Variants in PAXBP1 observed in about 807,000 individuals in gnomAD.
PAXBP1 encodes PAX3- and PAX7-binding protein 1.
A neutral mutation model predicts 119.9 loss-of-function variants in PAXBP1; 44 were observed. The ratio of observed to expected loss-of-function variants is 0.37; its 90% CI spans 0.29 to 0.47. PAXBP1 has a LOEUF of 0.47. Ranked by LOEUF, PAXBP1 falls within the 20% of genes least tolerant of loss-of-function variation. PAXBP1 has a pLI of 0.99. For missense variants in PAXBP1, 898 were observed against 1,134.1 expected, an observed-to-expected ratio of 0.79 and a Z score of 2.99; for synonymous variants, 393 against 406.6, an observed-to-expected ratio of 0.97 and a Z score of 0.40.
intron 15 of PAXBP1, 21 bp from the exon 16 acceptor site, chr21:32,738,340 A>T (rs1255787641): frequency 4.5e-6 from 7 of 1,564,576 alleles, no homozygotes; most frequent in Non-Finnish European, 6.0e-6. Context: ...GAAAAAAAAT[A>T]GGTAATGTGA....
chr21:32,744,353 C>T (rs1327573485), intron 13 of PAXBP1, among the ~76,000 whole-genome samples: 1 of 151,742 alleles, frequency 6.6e-6, no homozygotes, highest in Non-Finnish European at 1.5e-5. Flanking sequence ...TGTGTTGGGC[C>T]GCATTCAAAG....
chr21:32,741,668 CA>C, intron 15 of PAXBP1: 1 of 655,648 alleles, frequency 1.5e-6, no homozygotes, highest in Non-Finnish European at 2.8e-6. Flanking sequence ...CCAGTTTTTA[CA>C]CAGAAAGGCA....
intron 12 of PAXBP1, 54 bp downstream of exon 12, chr21:32,745,510 CATAAAAATAG>C: frequency 6.3e-7 from 1 of 1,581,674 alleles, no homozygotes; most frequent in East Asian, 2.2e-5. Context: ...ATTATAAACT[CATAAAAATAG>C]ATTTGAGAAA....
intron 16 of PAXBP1, 30 bp from the exon 17 acceptor site, chr21:32,737,438 A>C (rs778279679): frequency 6.4e-7 from 1 of 1,563,752 alleles, no homozygotes; most frequent in South Asian, 1.2e-5. Flanking sequence ...AAAATAAAAT[A>C]GTTAAGACAG....
At chr21:32,737,900 C>T (rs906609235) in intron 16 of PAXBP1, among the ~76,000 whole-genome samples, 1 of 152,040 alleles carries the variant, frequency 6.6e-6, no homozygotes, top group African/African-American at 2.4e-5. Context: ...GAAATCAAAA[C>T]TTTTATTTAT....
rs1266720989 is a variant in PAXBP1, at chr21:32,748,507, G to A, written c.1915C>T (p.Pro639Ser). 1.9e-6 allele frequency: 3 copies of A among 1,612,750 alleles called. No homozygotes were observed. The highest frequency in any genetic ancestry group is 1.1e-5 in the South Asian group (1 of 90,746). The stretch of plus-strand genomic sequence containing the variant: ...TGACAGAAGCCACTCACCTCAAGAG[G>A]AGTCCAAGTGAGGAGCTGAAGTCGT... The part of the protein sequence containing the change: ...LIRLQLLTWT[P>S]LEAKCRDFEN... The change falls in exon 11 of 18, where the codon CCT (proline) becomes TCT (serine). Residue 639 changes from proline to serine, a missense_variant. Around this residue, in one of 2 missense-constraint regions of PAXBP1, gnomAD observed 599 missense variants for 852.7 expected, o/e 0.70. Coordinates refer to ENST00000331923, the MANE Select transcript of PAXBP1 (RefSeq NM_016631.4).
chr21:32,744,995 A>G (rs2043851921), intron 12 of PAXBP1, 82 bp from the exon 13 acceptor site: 11 of 1,386,894 alleles, frequency 7.9e-6, no homozygotes, highest in Middle Eastern at 1.8e-4. Flanking sequence ...ATTAATGCCA[A>G]TCCTAATTTA....
chr21:32,737,931 T>G (rs1031504792), intron 16 of PAXBP1, among the ~76,000 whole-genome samples: 2 of 152,114 alleles, frequency 1.3e-5, no homozygotes, highest in African/African-American at 4.8e-5. Context: ...ATATCAAAAC[T>G]TTCACTAATA....
At chr21:32,745,536 T>C in intron 12 of PAXBP1, 38 bp downstream of exon 12, 2 of 1,606,754 alleles carry the variant, frequency 1.2e-6, no homozygotes, top group Non-Finnish European at 1.7e-6. Flanking sequence ...AGAAAGCCAG[T>C]GTGTCTGAAT....
At chr21:32,745,437 C>T (rs2043857891) in intron 12 of PAXBP1, 137 bp downstream of exon 12, 9 of 1,244,418 alleles carry the variant, frequency 7.2e-6, no homozygotes, top group Non-Finnish European at 1.0e-5. Context: ...GCCCTCTAGC[C>T]ATCTCTGGGC....
intron 6 of PAXBP1, 142 bp from the exon 7 acceptor site, chr21:32,759,411 C>CT: frequency 1.1e-6 from 1 of 897,906 alleles, no homozygotes. Context: ...CTCTGTACTG[C>CT]TTTTTTTCTC....
At chr21:32,754,802 T>G (rs1289583817) in intron 8 of PAXBP1, among the ~76,000 whole-genome samples, 1 of 152,172 alleles carries the variant, frequency 6.6e-6, no homozygotes, top group African/African-American at 2.4e-5. Flanking sequence ...TCCCTCCCCC[T>G]ACCCACAACA....
chr21:32,759,405 G>T, intron 6 of PAXBP1, 136 bp from the exon 7 acceptor site: 1 of 934,398 alleles, frequency 1.1e-6, no homozygotes, highest in Non-Finnish European at 1.5e-6. Flanking sequence ...CTTTTCCTCT[G>T]TACTGCTTTT....
chr21:32,753,425 C>CAA (rs757858309), intron 8 of PAXBP1, among the ~76,000 whole-genome samples: 1,665 of 89,818 alleles, frequency 0.019, 67 homozygotes, highest in African/African-American at 0.048. Context: ...GACTCCGTCT[C>CAA]AAAAAAAAAA....
intron 6 of PAXBP1, 70 bp downstream of exon 6, chr21:32,759,707 C>T: frequency 3.8e-6 from 5 of 1,311,402 alleles, no homozygotes; most frequent in Non-Finnish European, 5.4e-6. Flanking sequence ...CATCTGCTAC[C>T]CCAGACTACA....
At chr21:32,768,934 A>T (rs549189679) in intron 2 of PAXBP1, among the ~76,000 whole-genome samples, 16 of 152,324 alleles carry the variant, frequency 1.1e-4, no homozygotes, top group African/African-American at 3.6e-4. Context: ...TTTAACTATC[A>T]AAGATCCATC....
At chr21:32,739,155 C>G (rs960894802) in intron 15 of PAXBP1, among the ~76,000 whole-genome samples, 2 of 152,230 alleles carry the variant, frequency 1.3e-5, no homozygotes, top group Non-Finnish European at 1.5e-5. Flanking sequence ...GCTCTTTACT[C>G]AGTTCTCCCA....
At chr21:32,767,913 T>G (rs1222450747) in intron 2 of PAXBP1, among the ~76,000 whole-genome samples, 3 of 152,212 alleles carry the variant, frequency 2.0e-5, no homozygotes, top group Non-Finnish European at 4.4e-5. Context: ...TCATATATAG[T>G]TGGTCTCAAG....
At chr21:32,746,419 A>C (rs556842081) in intron 11 of PAXBP1, among the ~76,000 whole-genome samples, 2 of 152,334 alleles carry the variant, frequency 1.3e-5, no homozygotes, top group African/African-American at 4.8e-5. Context: ...TAGGAAAAAA[A>C]CAACCCCATT....
Sources: gnomAD v4.1 joint callset for allele counts (sites outside exome capture counted in the v4.1 genomes callset) on GRCh38, gnomAD v4.1.1 for gene constraint, gnomAD v4.1.1 regional missense constraint, MANE v1.5 for transcripts, NCBI Gene and HGNC (gene_info 2026-07-23, HGNC 2026-07-21) for gene names.